SP3: variants seen among roughly 807,000 people sequenced by gnomAD.
The protein encoded by SP3 is Sp3 transcription factor.
In SP3, 10 loss-of-function variants were observed where a neutral mutation model predicts 70.3. The ratio of observed to expected loss-of-function variants is 0.14; its 90% CI spans 0.09 to 0.24. The LOEUF (loss-of-function observed/expected upper bound fraction) is 0.24. Among genes scored for constraint, SP3 ranks in the 10% least tolerant of loss-of-function variants. The probability of loss-of-function intolerance (pLI) is 1.00; values close to 1 mark genes in which losing one functional copy is unlikely to be tolerated. For synonymous variants in SP3, 402 were observed against 333.5 expected (o/e 1.21, Z -2.24); for missense variants, 825 against 914.6 (o/e 0.90, Z 1.26).
At position 173,901,527 on chromosome 2, in the gene SP3, T is replaced by C. The variant is rs567541264; in HGVS notation, c.*8414A>G. ...ACAGGCAACTCCCATCAGAGGAAAA[T>C]GGATTATGAACTTGTAAAAATATGC... On this transcript the variant is annotated 3_prime_UTR_variant, in exon 7 of 7. Transcript: ENST00000310015. Among the ~76,000 whole-genome samples, 66 of 151,820 alleles carry C rather than the reference T, an allele frequency of 4.3e-4. No homozygotes were observed. Among genetic ancestry groups the C allele is most frequent in the African/African-American group, 1.5e-3 (63 of 41,384 alleles).
intron 4 of SP3, among the ~76,000 whole-genome samples, chr2:173,927,436 C>T (rs1270159754): frequency 6.6e-6 from 1 of 151,940 alleles, no homozygotes; most frequent in Non-Finnish European, 1.5e-5. Context: ...GCCACCACGC[C>T]CGGCTAATTT....
In SP3 at chr2:173,965,264, G is replaced by T; in HGVS notation, c.-93C>A. On this transcript the variant is annotated 5_prime_UTR_variant, in exon 1 of 7. Coordinates refer to ENST00000310015, the MANE Select transcript of SP3 (RefSeq NM_003111.5). ...GCGGCGGGAGAGGATGCGGGAAGCG[G>T]CGGCGGACACGGCCGGAGCGGTCCG... 1 of 1,441,110 alleles carries T rather than the reference G, an allele frequency of 6.9e-7. No homozygotes were observed. The highest frequency in any genetic ancestry group is 9.5e-7 in the Non-Finnish European group (1 of 1,051,310). The allele number at this position is 1,441,110 out of a possible 1,614,324, so 89.3% of individuals were successfully genotyped here.
chr2:173,922,326 T>TG (rs902208934), intron 4 of SP3, among the ~76,000 whole-genome samples: 16 of 151,218 alleles, frequency 1.1e-4, no homozygotes, highest in African/African-American at 2.4e-4. Flanking sequence ...ACTAGAAAGA[T>TG]GGAGTTGCCA....
intron 4 of SP3, among the ~76,000 whole-genome samples, chr2:173,924,490 T>G (rs534354444): frequency 6.6e-6 from 1 of 152,222 alleles, no homozygotes; most frequent in Non-Finnish European, 1.5e-5. Flanking sequence ...ATGATGAATA[T>G]GATGGCTAAA....
chr2:173,963,866 C>T lies in SP3; in HGVS notation c.174G>A (p.Pro58=). The change falls in exon 3 of 7, where the codon CCG becomes CCA. Residue 58 remains proline (P), a synonymous_variant. Coordinates refer to ENST00000310015, the MANE Select transcript of SP3 (RefSeq NM_003111.5). The part of the protein sequence containing the change: ...AAAAQDTQPS[P]LALLAATCSK... ...TGCAGGTAGCGGCCAGCAGAGCGAG[C>T]GGTGACGGCTGAGTGTCCTACCCCC... 3.3e-6 allele frequency: 5 copies of T among 1,505,334 alleles called. No homozygotes were observed. In the South Asian group the frequency reaches 3.7e-5, roughly 11 times the overall value. The allele number at this position is 1,505,334 out of a possible 1,614,324, so 93.2% of individuals were successfully genotyped here.
At chr2:173,941,119 AAC>A (rs1408297510) in intron 4 of SP3, among the ~76,000 whole-genome samples, 1 of 147,274 alleles carries the variant, frequency 6.8e-6, no homozygotes, top group Non-Finnish European at 1.5e-5. Flanking sequence ...TGTTGCTCAC[AAC>A]ACGAGTAAAA....
At chr2:173,920,084 G>GCC (rs11382552) in intron 4 of SP3, among the ~76,000 whole-genome samples, 5 of 151,830 alleles carry the variant, frequency 3.3e-5, no homozygotes, top group African/African-American at 9.7e-5. Context: ...AACAAAAGAA[G>GCC]CCCCCCCGCA....
intron 4 of SP3, among the ~76,000 whole-genome samples, chr2:173,928,298 G>A (rs1689975150): frequency 6.6e-6 from 1 of 152,170 alleles, no homozygotes; most frequent in Non-Finnish European, 1.5e-5. Flanking sequence ...GCAGAGAAGA[G>A]GGCCCCAGGC....
Position 173,909,820 on chromosome 2 carries a change from C to G in SP3, c.*121G>C. On this transcript the variant is annotated 3_prime_UTR_variant, in exon 7 of 7. Coordinates refer to ENST00000310015, the MANE Select transcript of SP3 (RefSeq NM_003111.5). ...AAGGCATTTCAGTGTCATGTATAACCAAGTTACTGTCAATCCAAAAATTTT... is the reference window on the plus strand; with the variant it reads ...AAGGCATTTCAGTGTCATGTATAACGAAGTTACTGTCAATCCAAAAATTTT... The G allele has an allele frequency of 1.3e-6, 1 of 792,254 alleles. No homozygotes were observed. Among genetic ancestry groups the G allele is most frequent in the South Asian group, 1.9e-5 (1 of 53,722 alleles). The allele number at this position is 792,254 out of a possible 1,614,324, so 49.1% of individuals were successfully genotyped here.
intron 4 of SP3, among the ~76,000 whole-genome samples, chr2:173,922,210 T>C (rs1689774787): frequency 6.6e-6 from 1 of 151,370 alleles, no homozygotes; most frequent in African/African-American, 2.4e-5. Context: ...TAAAGTAGAG[T>C]CAAAGACATC....
rs1022788438 is a variant in SP3, at chr2:173,961,011, T to C, written c.279+2750A>G. ...AAATAAAAATAAAAGTCACTTATTT[T>C]ATTCCACTAAAGTAAAAATGAAGTA... On this transcript the variant is annotated intron_variant, in intron 3 of 6. Coordinates refer to ENST00000310015, the MANE Select transcript of SP3 (RefSeq NM_003111.5). Among the ~76,000 whole-genome samples the C allele has an allele frequency of 1.2e-4, 19 of 152,276 alleles. No individual in the cohort carries two copies. In the East Asian group the frequency reaches 2.5e-3, roughly 20 times the overall value.
chr2:173,939,283 G>A (rs912401947), intron 4 of SP3, among the ~76,000 whole-genome samples: 1 of 152,168 alleles, frequency 6.6e-6, no homozygotes, highest in Non-Finnish European at 1.5e-5. Flanking sequence ...TAGGGAAAAT[G>A]ACTGATACCA....
intron 6 of SP3, among the ~76,000 whole-genome samples, chr2:173,910,474 C>A (rs1418761374): frequency 6.6e-6 from 1 of 152,036 alleles, no homozygotes; most frequent in Non-Finnish European, 1.5e-5. Context: ...GACTAGCAGT[C>A]TTCAAACATG....
chr2:173,940,678 G>T (rs1473183034), intron 4 of SP3, among the ~76,000 whole-genome samples: 2 of 152,158 alleles, frequency 1.3e-5, no homozygotes, highest in Non-Finnish European at 2.9e-5. Flanking sequence ...AAACACAACT[G>T]TGCTAATTAT....
At chr2:173,925,237 A>G (rs1689881994) in intron 4 of SP3, among the ~76,000 whole-genome samples, 1 of 152,210 alleles carries the variant, frequency 6.6e-6, no homozygotes, top group Non-Finnish European at 1.5e-5. Context: ...TTGTATGTAT[A>G]TAGTATGTGT....
intron 3 of SP3, 35 bp downstream of exon 3, chr2:173,963,726 G>T: frequency 1.1e-6 from 1 of 885,896 alleles, no homozygotes; most frequent in Non-Finnish European, 1.4e-6. Context: ...GCGGGCGCCC[G>T]GCCTCGGCGG....
intron 5 of SP3, among the ~76,000 whole-genome samples, chr2:173,917,448 C>T (rs1441112746): frequency 6.6e-6 from 1 of 152,062 alleles, no homozygotes; most frequent in Non-Finnish European, 1.5e-5. Context: ...TGTGTGTGCT[C>T]TTAGGAGTCA....
In SP3 at chr2:173,904,694, C is replaced by T. The variant is rs779287389; in HGVS notation, c.*5247G>A. 6.6e-6 allele frequency among the ~76,000 whole-genome samples: 1 copy of T among 152,202 alleles called. No individual in the cohort carries two copies. The highest frequency in any genetic ancestry group is 2.4e-5 in the African/African-American group (1 of 41,448). ...TGGCTCAACTTTGACCAGATGTCCA[C>T]TCCTTGTCTGATTTCTGAACAGCTC... On this transcript the variant is annotated 3_prime_UTR_variant, in exon 7 of 7. Transcript: ENST00000310015.
chr2:173,905,245 GA>G lies in SP3; in HGVS notation c.*4695del, dbSNP rs923117569. Among the ~76,000 whole-genome samples, 6 of 152,166 alleles carry G rather than the reference GA, an allele frequency of 3.9e-5. No homozygotes were observed. Among genetic ancestry groups the G allele is most frequent in the Non-Finnish European group, 7.3e-5 (5 of 68,032 alleles). On this transcript the variant is annotated 3_prime_UTR_variant, in exon 7 of 7. Transcript: ENST00000310015. The stretch of plus-strand genomic sequence containing the variant: ...TAAAACACTTCACTACAGAAAAATG[GA>G]ATCTCCAGAGTTAAGGGGGGAGGAA...
Sources: gnomAD v4.1 joint callset for allele counts (sites outside exome capture counted in the v4.1 genomes callset) on GRCh38, gnomAD v4.1.1 for gene constraint, MANE v1.5 for transcripts, NCBI Gene and HGNC (gene_info 2026-07-23, HGNC 2026-07-21) for gene names.